The following NTN4 variants were observed in gnomAD, a reference collection of about 807,000 sequenced individuals.
NTN4 encodes netrin 4.
In NTN4, 32 loss-of-function variants were observed where a neutral mutation model predicts 73.6. The observed-to-expected ratio is 0.44, with a 90% CI of 0.33 to 0.58. NTN4 has a LOEUF of 0.58. Ranked by LOEUF, NTN4 falls within the 20% of genes least tolerant of loss-of-function variation. NTN4 has a pLI of 0.04. For missense variants in NTN4, 654 were observed against 798.3 expected (o/e 0.82, Z 2.18); for synonymous variants, 258 against 287.5 (o/e 0.90, Z 1.04).
rs568314157 is a variant in NTN4 at position 95,734,343 on chromosome 12, G to GT, written c.864+3522dup. ...AAGCATTAGAACACCTGGAGGGGTT[G>GT]TTAAACATAGATTCTTAGGCCTCAT... On this transcript the variant is annotated intron_variant, in intron 3 of 9. Coordinates refer to ENST00000343702, the MANE Select transcript of NTN4 (RefSeq NM_021229.4). 1.3e-4 allele frequency among the ~76,000 whole-genome samples: 20 copies of GT among 152,298 alleles called. No individual in the cohort carries two copies. The East Asian group carries it at 3.9e-3, about 29-fold the overall frequency.
intron 9 of NTN4, chr12:95,663,644 T>C (rs2078155740): frequency 6.6e-6 from 1 of 152,226 alleles, no homozygotes; most frequent in African/African-American, 2.4e-5. Context: ...CTTGTAAAAA[T>C]GGAAAAACAA....
chr12:95,720,394 G>A (rs1212277912), intron 3 of NTN4, among the ~76,000 whole-genome samples: 1 of 152,106 alleles, frequency 6.6e-6, no homozygotes, highest in African/African-American at 2.4e-5. Flanking sequence ...TAAGAAAACG[G>A]CATTTAGTGT....
chr12:95,759,424 GC>G (rs1210580166), intron 2 of NTN4, among the ~76,000 whole-genome samples: 2 of 150,844 alleles, frequency 1.3e-5, no homozygotes, highest in Non-Finnish European at 2.9e-5. Context: ...CTATTGTTAT[GC>G]CTCCAAGTTC....
At chr12:95,762,873 C>T (rs921050166) in intron 2 of NTN4, among the ~76,000 whole-genome samples, 22 of 152,162 alleles carry the variant, frequency 1.4e-4, no homozygotes, top group Admixed American at 1.4e-3. Context: ...ACTCTCATTT[C>T]GGCTTCTAAA....
intron 2 of NTN4, among the ~76,000 whole-genome samples, chr12:95,779,088 G>A (rs1246963599): frequency 1.3e-5 from 2 of 152,116 alleles, no homozygotes; most frequent in East Asian, 3.8e-4. Flanking sequence ...TGCAGAAAAG[G>A]CCTTTGACAA....
chr12:95,674,725 C>G (rs1036747939), intron 7 of NTN4, among the ~76,000 whole-genome samples: 1 of 152,144 alleles, frequency 6.6e-6, no homozygotes, highest in African/African-American at 2.4e-5. Context: ...GCTTAGAACA[C>G]TTGTTGAAAA....
intron 5 of NTN4, among the ~76,000 whole-genome samples, chr12:95,703,842 G>C (rs1196627840): frequency 6.6e-6 from 1 of 152,134 alleles, no homozygotes; most frequent in Non-Finnish European, 1.5e-5. Flanking sequence ...TGCTTAACTA[G>C]GCTGTTCTGG....
chr12:95,669,943 G>A (rs2078214545), intron 8 of NTN4, 135 bp downstream of exon 8: 1 of 517,054 alleles, frequency 1.9e-6, no homozygotes, highest in Admixed American at 4.0e-5. Context: ...ACTGTGTTTA[G>A]TGTTATTATG....
chr12:95,717,421 T>G lies in NTN4; in HGVS notation c.865-4083A>C, dbSNP rs558035947. 4.6e-5 allele frequency among the ~76,000 whole-genome samples: 7 copies of G among 152,192 alleles called. No individual in the cohort carries two copies. The South Asian group carries it at 1.5e-3, about 32-fold the overall frequency. ...TTCAGAGCATTCCCTTGATCCCACA[T>G]GCCAAGGATTGGGATGAACCTCCCG... On this transcript the variant is annotated intron_variant, in intron 3 of 9. Transcript: ENST00000343702.
At chr12:95,766,690 T>C (rs141577001) in intron 2 of NTN4, among the ~76,000 whole-genome samples, 5 of 152,350 alleles carry the variant, frequency 3.3e-5, no homozygotes, top group African/African-American at 1.2e-4. Flanking sequence ...CTCAGCTTTC[T>C]CTAAATAGGA....
chr12:95,692,608 A>G (rs1208901268), intron 5 of NTN4, among the ~76,000 whole-genome samples: 2 of 152,246 alleles, frequency 1.3e-5, no homozygotes, highest in African/African-American at 4.8e-5. Flanking sequence ...AGCAGGAAAC[A>G]CACCTGTTAA....
chr12:95,749,223 A>G (rs2078885499), intron 2 of NTN4, among the ~76,000 whole-genome samples: 1 of 152,112 alleles, frequency 6.6e-6, no homozygotes, highest in Non-Finnish European at 1.5e-5. Flanking sequence ...CAGGTGAAAT[A>G]AACAGCCATG....
intron 3 of NTN4, among the ~76,000 whole-genome samples, chr12:95,721,988 T>G (rs1164243924): frequency 6.6e-6 from 1 of 151,854 alleles, no homozygotes; most frequent in Non-Finnish European, 1.5e-5. Context: ...GTACATTGAC[T>G]GGCCACATCT....
intron 4 of NTN4, among the ~76,000 whole-genome samples, chr12:95,711,022 CTGAT>C (rs2078561448): frequency 6.6e-6 from 1 of 152,114 alleles, no homozygotes; most frequent in South Asian, 2.1e-4. Flanking sequence ...ATAGGATAAA[CTGAT>C]TGTTAATGTT....
In NTN4 at chr12:95,786,928, G is replaced by A; in HGVS notation, c.585+11C>T. 6.2e-7 allele frequency: 1 copy of A among 1,610,312 alleles called. No individual in the cohort carries two copies. Among genetic ancestry groups the A allele is most frequent in the Non-Finnish European group, 8.5e-7 (1 of 1,177,040 alleles). On this transcript the variant is annotated intron_variant, in intron 2 of 9. Coordinates refer to ENST00000343702, the MANE Select transcript of NTN4 (RefSeq NM_021229.4). ...CTTACTTACAGTGTAGAGTTAAACA[G>A]GTGCCCTTACCTCTCCTCCAGTGCA...
intron 2 of NTN4, among the ~76,000 whole-genome samples, chr12:95,780,070 A>G (rs1057070882): frequency 2.6e-5 from 4 of 152,164 alleles, no homozygotes; most frequent in African/African-American, 7.2e-5. Context: ...TATTTAACAA[A>G]TGGTGCTGGG....
chr12:95,708,690 C>G (rs552544988), intron 5 of NTN4, among the ~76,000 whole-genome samples: 1 of 152,034 alleles, frequency 6.6e-6, no homozygotes, highest in African/African-American at 2.4e-5. Flanking sequence ...ATTACAGATG[C>G]GAGCCACCCC....
chr12:95,708,252 GTTATTTTATTTAT>G (rs1208739047), intron 5 of NTN4, among the ~76,000 whole-genome samples: 1 of 145,200 alleles, frequency 6.9e-6, no homozygotes, highest in Non-Finnish European at 1.5e-5. Flanking sequence ...TTTCTTTATT[GTTATTTTATTTAT>G]TTATTTATTT....
intron 2 of NTN4, among the ~76,000 whole-genome samples, chr12:95,765,662 A>G (rs1427508727): frequency 1.3e-5 from 2 of 152,198 alleles, no homozygotes; most frequent in African/African-American, 4.8e-5. Context: ...AGAGGCACCC[A>G]CATATTTGTC....
Sources: gnomAD v4.1 joint callset for allele counts (sites outside exome capture counted in the v4.1 genomes callset) on GRCh38, gnomAD v4.1.1 for gene constraint, MANE v1.5 for transcripts, NCBI Gene and HGNC (gene_info 2026-07-23, HGNC 2026-07-21) for gene names.